Variants in ADAP1 observed in about 807,000 individuals in gnomAD.
The protein encoded by ADAP1 is arf-GAP with dual PH domain-containing protein 1.
Under a neutral mutation model 54.9 loss-of-function variants are expected in ADAP1, and 31 were observed. The ratio of observed to expected loss-of-function variants is 0.56; its 90% confidence interval spans 0.42 to 0.76. The LOEUF is 0.76. ADAP1 is among the 30% of genes least tolerant of loss of function. The pLI, the probability that ADAP1 is intolerant of heterozygous loss-of-function variation, is 0.00. For synonymous variants in ADAP1, 313 were observed against 202.6 expected (o/e 1.55, Z -4.63); for missense variants, 535 against 512.4 (o/e 1.04, Z -0.42).
At chr7:905,770 G>C (rs1157015232) in intron 4 of ADAP1, among the ~76,000 whole-genome samples, 2 of 43,136 alleles carry the variant, frequency 4.6e-5, no homozygotes, top group South Asian at 6.6e-4. Flanking sequence ...AGGGAGAAAG[G>C]AGAAAGGAGA....
chr7:921,973 G>A (rs866908955), intron 3 of ADAP1, among the ~76,000 whole-genome samples: 3 of 152,208 alleles, frequency 2.0e-5, no homozygotes, highest in Non-Finnish European at 2.9e-5. Flanking sequence ...GGCATCCCAG[G>A]GCCTGGCACA....
intron 4 of ADAP1, among the ~76,000 whole-genome samples, chr7:917,734 C>A (rs1240049765): frequency 6.6e-6 from 1 of 152,068 alleles, no homozygotes; most frequent in South Asian, 2.1e-4. Context: ...TCCCAAGGTG[C>A]TTCTTTTATT....
chr7:939,516 CCTA>C (rs1846883484), intron 1 of ADAP1, among the ~76,000 whole-genome samples: 1 of 151,774 alleles, frequency 6.6e-6, no homozygotes, highest in Admixed American at 6.6e-5. Context: ...CCACGCCCAG[CCTA>C]CTATCTGTCT....
At chr7:952,632 C>T (rs889921131) in intron 1 of ADAP1, among the ~76,000 whole-genome samples, 3 of 152,100 alleles carry the variant, frequency 2.0e-5, no homozygotes, top group Non-Finnish European at 2.9e-5. Context: ...GCAGAGCGGC[C>T]GGGTGTGGCT....
intron 6 of ADAP1, among the ~76,000 whole-genome samples, chr7:903,587 G>C (rs1469856072): frequency 6.6e-6 from 1 of 152,142 alleles, no homozygotes; most frequent in Non-Finnish European, 1.5e-5. Flanking sequence ...CTGGCCCAAA[G>C]ACAAAAGGAT....
At chr7:953,568 T>C (rs1562940382) in intron 1 of ADAP1, among the ~76,000 whole-genome samples, 1 of 152,222 alleles carries the variant, frequency 6.6e-6, no homozygotes, top group African/African-American at 2.4e-5. Flanking sequence ...ATTCCTGGTG[T>C]GCCTGGGGTG....
intron 4 of ADAP1, among the ~76,000 whole-genome samples, chr7:909,867 T>A (rs1583143360): frequency 7.0e-6 from 1 of 142,948 alleles, no homozygotes; most frequent in Non-Finnish European, 1.5e-5. Context: ...GTGGGGGGGG[T>A]TCTACTGCAC....
intron 1 of ADAP1, among the ~76,000 whole-genome samples, chr7:951,559 A>G (rs1847272121): frequency 6.6e-6 from 1 of 151,490 alleles, no homozygotes; most frequent in Non-Finnish European, 1.5e-5. Context: ...CCTGGGTGAC[A>G]TCGAGAGACT....
intron 3 of ADAP1, among the ~76,000 whole-genome samples, chr7:922,682 G>A (rs1583164800): frequency 6.7e-6 from 1 of 149,004 alleles, no homozygotes; most frequent in South Asian, 2.1e-4. Flanking sequence ...TGGAGGCTTT[G>A]CCTCTTGCGA....
chr7:954,266 T>G, intron 1 of ADAP1, 130 bp downstream of exon 1: 1 of 859,760 alleles, frequency 1.2e-6, no homozygotes, highest in Non-Finnish European at 1.4e-6. Context: ...TCCGGCCCGG[T>G]GTTCAGCGCC....
chr7:954,127 CG>C (rs1424844287), intron 1 of ADAP1, among the ~76,000 whole-genome samples: 1 of 146,892 alleles, frequency 6.8e-6, no homozygotes, highest in Non-Finnish European at 1.5e-5. Flanking sequence ...CGCAGCCCGG[CG>C]GGGGAGGGGA....
intron 5 of ADAP1, 57 bp from the exon 6 acceptor site, chr7:904,329 G>A (rs1844981297): frequency 4.6e-6 from 7 of 1,518,578 alleles, no homozygotes; most frequent in East Asian, 2.4e-5. Context: ...GCTCAAGGGA[G>A]CAGGAAGGGC....
At position 909,991 on chromosome 7, in the gene ADAP1, T is replaced by C. The variant is rs1232658336; in HGVS notation, c.389-4819A>G. ...CTCAGACGCCTCTGAGGAGCCCTTC[T>C]GCCCACCGCACGGCTAAGAGCAGGA... On this transcript the variant is annotated intron_variant, in intron 4 of 10. Coordinates refer to ENST00000265846, the MANE Select transcript of ADAP1 (RefSeq NM_006869.4). Among the ~76,000 whole-genome samples, 5 of 152,336 alleles carry C rather than the reference T, an allele frequency of 3.3e-5. No homozygotes were observed. The East Asian group carries it at 5.8e-4, about 18-fold the overall frequency.
chr7:952,720 C>T (rs1847301537), intron 1 of ADAP1, among the ~76,000 whole-genome samples: 1 of 152,152 alleles, frequency 6.6e-6, no homozygotes, highest in South Asian at 2.1e-4. Context: ...TCACAGCATC[C>T]CCCCTCCATG....
rs1554271806 is a variant in ADAP1 at position 905,456 on chromosome 7, GGAAAGGA to G, written c.389-291_389-285del. The G allele has an allele frequency of 1.9e-4, 16 of 82,712 alleles. 1 individual carries two copies. Among genetic ancestry groups the G allele is most frequent in the East Asian group, 6.8e-4 (2 of 2,926 alleles). The allele number at this position is 82,712 out of a possible 1,614,324, so 5.1% of individuals were successfully genotyped here. ...AGGAGAAAGGGAGAAAGGGAGAAAG[GGAAAGGA>G]GAAAGGAGAAAGGGAAAGGAGAAAG... On this transcript the variant is annotated intron_variant, in intron 4 of 10. Coordinates refer to ENST00000265846, the MANE Select transcript of ADAP1 (RefSeq NM_006869.4).
At position 904,237 on chromosome 7, in the gene ADAP1, G is replaced by C. The variant is rs1296061652; in HGVS notation, c.537C>G (p.His179Gln). ...KEPKAVMKIEHLNATFQPAKI... is the reference protein window; with the variant it reads ...KEPKAVMKIEQLNATFQPAKI... Reference sequence around the variant, plus strand: ...TGGCCGGCTGGAAGGTGGCGTTCAGGTGCTCGATCTTCATCACGGCCTTGG... The same window carrying C: ...TGGCCGGCTGGAAGGTGGCGTTCAGCTGCTCGATCTTCATCACGGCCTTGG... Residue 179 changes from histidine (H) to glutamine (Q), a missense_variant, in exon 6 of 11, where the codon CAC becomes CAG. Physicochemically the swap from His to Gln is conservative, Grantham distance 24. Coordinates refer to ENST00000265846, the MANE Select transcript of ADAP1 (RefSeq NM_006869.4). 2 of 1,608,736 alleles carry C rather than the reference G, an allele frequency of 1.2e-6. No homozygotes were observed. Among genetic ancestry groups the C allele is most frequent in the African/African-American group, 2.7e-5 (2 of 74,786 alleles).
intron 6 of ADAP1, chr7:901,076 C>G: frequency 2.1e-6 from 1 of 469,662 alleles, no homozygotes. Flanking sequence ...TATAAACGCC[C>G]TTGGAGCTGT....
At chr7:919,820 T>TGGGGGAGGGAGGGAGAG in intron 4 of ADAP1, 148 bp downstream of exon 4, 1 of 60,378 alleles carries the variant, frequency 1.7e-5, no homozygotes, top group Non-Finnish European at 2.8e-5. Flanking sequence ...GGGAGGGAGA[T>TGGGGGAGGGAGGGAGAG]GGGGGAGGGA....
At chr7:901,340 G>A in intron 6 of ADAP1, 1 of 244,482 alleles carries the variant, frequency 4.1e-6, no homozygotes, top group Non-Finnish European at 8.2e-6. Context: ...TGGGCCTCCT[G>A]TTCAGCCTAC....
Sources: gnomAD v4.1 joint callset for allele counts (sites outside exome capture counted in the v4.1 genomes callset) on GRCh38, gnomAD v4.1.1 for gene constraint, MANE v1.5 for transcripts, NCBI Gene and HGNC (gene_info 2026-07-23, HGNC 2026-07-21) for gene names.